The following ACSS2 variants were observed in gnomAD, a reference collection of about 807,000 sequenced individuals.
The protein encoded by ACSS2 is acyl-CoA synthetase short chain family member 2.
A neutral mutation model predicts 90.6 loss-of-function variants in ACSS2; 58 were observed. The ratio of observed to expected loss-of-function variants is 0.64; its 90% CI spans 0.52 to 0.80. The LOEUF (loss-of-function observed/expected upper bound fraction) is 0.80, where lower values mean the gene tolerates loss of function less well. ACSS2 is among the 30% of genes least tolerant of loss of function. The pLI is 0.00. For synonymous variants in ACSS2, 300 were observed against 330.9 expected, an observed-to-expected ratio of 0.91 and a Z score of 1.01; for missense variants, 759 against 912.0, an observed-to-expected ratio of 0.83 and a Z score of 2.16.
intron 2 of ACSS2, among the ~76,000 whole-genome samples, chr20:34,899,415 TTTCTTTCTTTCCTTCC>T (rs2080575610): frequency 4.6e-5 from 2 of 43,772 alleles, no homozygotes; most frequent in Non-Finnish European, 8.3e-5. Flanking sequence ...TCTTTCTTTC[TTTCTTTCTTTCCTTCC>T]TTCCTTCCTT....
chr20:34,918,862 T>C (rs555585693), intron 7 of ACSS2, among the ~76,000 whole-genome samples: 1 of 152,330 alleles, frequency 6.6e-6, no homozygotes, highest in South Asian at 2.1e-4. Context: ...GACCTGTGTG[T>C]GCATAGTCAT....
intron 13 of ACSS2, among the ~76,000 whole-genome samples, chr20:34,922,630 T>A (rs1209129089): frequency 6.6e-6 from 1 of 152,212 alleles, no homozygotes; most frequent in East Asian, 1.9e-4. Flanking sequence ...CTTTGTCTCC[T>A]ATGGTTGCTT....
rs1408501795 is a variant in ACSS2, at chr20:34,887,200, A to G, written c.374+4211A>G. On this transcript the variant is annotated intron_variant, in intron 2 of 17. Transcript: ENST00000360596. ...TAAGTGATTTGCCTAAGGGTCATAC[A>G]CCTGTTTGAAGACAGAACTGAGACT... Among the ~76,000 whole-genome samples the G allele has an allele frequency of 2.0e-5, 3 of 152,312 alleles. No individual in the cohort carries two copies. In the East Asian group the frequency reaches 5.8e-4, roughly 29 times the overall value.
chr20:34,926,175 G>C lies in ACSS2; in HGVS notation c.1797G>C (p.Val599=). The C allele has an allele frequency of 6.2e-7, 1 of 1,614,216 alleles. No homozygotes were observed. ...ATGAGGCTGTTGCAGAGGCAGCTGT[G>C]GTGGGCCACCCTCATCCTGTGAAGG... ...VEHEAVAEAA[V]VGHPHPVKGE... is the part of the protein sequence containing the mutation. The change falls in exon 16 of 18, where the codon GTG becomes GTC. Residue 599 remains valine (V), a synonymous_variant. Transcript: ENST00000360596.
chr20:34,876,712 G>A lies in ACSS2; in HGVS notation c.67G>A (p.Gly23Arg), dbSNP rs2079920049. 3 of 1,443,610 alleles carry A rather than the reference G, an allele frequency of 2.1e-6. No homozygotes were observed. Among genetic ancestry groups the A allele is most frequent in the Non-Finnish European group, 1.8e-6 (2 of 1,090,652 alleles). The allele number at this position is 1,443,610 out of a possible 1,614,324, so 89.4% of individuals were successfully genotyped here. The part of the protein sequence containing the change: ...GSRGQEEAGA[G>R]GRARSWSPPP... ...CCGGGGCCAGGAGGAAGCTGGAGCC[G>A]GAGGCCGGGCGCGGAGTTGGTCTCC... Residue 23 changes from glycine (G) to arginine (R), a missense_variant, in exon 1 of 18, where the codon GGA becomes AGA. Coordinates refer to ENST00000360596, the MANE Select transcript of ACSS2 (RefSeq NM_018677.4).
intron 2 of ACSS2, among the ~76,000 whole-genome samples, chr20:34,904,561 C>A (rs1190731274): frequency 1.3e-5 from 2 of 152,098 alleles, no homozygotes; most frequent in African/African-American, 4.8e-5. Flanking sequence ...GCATTCTGAG[C>A]AGAAGGGTGA....
intron 12 of ACSS2, 61 bp downstream of exon 12, chr20:34,921,661 G>C: frequency 6.2e-7 from 1 of 1,613,120 alleles, no homozygotes; most frequent in Non-Finnish European, 8.5e-7. Flanking sequence ...GGGGCACTTG[G>C]CCTAGTTAGA....
intron 7 of ACSS2, among the ~76,000 whole-genome samples, chr20:34,917,351 C>G (rs2147087055): frequency 6.6e-6 from 1 of 152,272 alleles, no homozygotes; most frequent in South Asian, 2.1e-4. Flanking sequence ...CAGGTGTGTT[C>G]TTATGTTTTC....
chr20:34,888,800 G>A (rs971413665), intron 2 of ACSS2, among the ~76,000 whole-genome samples: 3 of 152,120 alleles, frequency 2.0e-5, no homozygotes, highest in African/African-American at 7.2e-5. Flanking sequence ...GGTAGGGAGG[G>A]GAAATGTTCC....
At chr20:34,925,434 T>C (rs1350761163) in intron 14 of ACSS2, among the ~76,000 whole-genome samples, 2 of 151,840 alleles carry the variant, frequency 1.3e-5, no homozygotes, top group African/African-American at 4.8e-5. Flanking sequence ...CAACCTAATC[T>C]CAGAAGTGAC....
intron 2 of ACSS2, among the ~76,000 whole-genome samples, chr20:34,884,414 A>G (rs1170322108): frequency 3.3e-5 from 5 of 152,264 alleles, no homozygotes; most frequent in African/African-American, 2.4e-5. Flanking sequence ...CAACTCTGCC[A>G]TTAACATGTT....
intron 2 of ACSS2, among the ~76,000 whole-genome samples, chr20:34,891,340 T>C (rs976825031): frequency 3.9e-5 from 6 of 152,216 alleles, no homozygotes; most frequent in African/African-American, 1.4e-4. Context: ...TCATCTCTAA[T>C]CTTCCAGAAT....
At position 34,914,029 on chromosome 20, in the gene ACSS2, A is replaced by G. The variant is rs1393737831; in HGVS notation, c.644-67A>G. 4.5e-6 allele frequency: 7 copies of G among 1,562,784 alleles called. No homozygotes were observed. The East Asian group carries it at 1.1e-4, about 25-fold the overall frequency. On this transcript the variant is annotated intron_variant, in intron 5 of 17. Coordinates refer to ENST00000360596, the MANE Select transcript of ACSS2 (RefSeq NM_018677.4). The stretch of plus-strand genomic sequence containing the variant: ...AAGAGGCCTACTCAGGAAGGGCCCT[A>G]TGGACATTGTGCCCACTAGGCAGCA...
intron 7 of ACSS2, chr20:34,915,248 C>T (rs1332506674): frequency 6.2e-7 from 1 of 1,613,954 alleles, no homozygotes; most frequent in African/African-American, 1.3e-5. Flanking sequence ...CAAGCGTGTT[C>T]AGCCCCAGGT....
At chr20:34,879,861 C>T (rs1410935286) in intron 1 of ACSS2, among the ~76,000 whole-genome samples, 1 of 152,204 alleles carries the variant, frequency 6.6e-6, no homozygotes, top group Admixed American at 6.5e-5. Flanking sequence ...TTTGTACTCT[C>T]GTTATTAGCT....
At chr20:34,926,356 G>A in intron 16 of ACSS2, 75 bp downstream of exon 16, 1 of 1,514,234 alleles carries the variant, frequency 6.6e-7, no homozygotes, top group Non-Finnish European at 8.9e-7. Flanking sequence ...TGTTGGGGAG[G>A]GGCTAGAGCA....
intron 2 of ACSS2, among the ~76,000 whole-genome samples, chr20:34,899,403 CTTCTTTCT>C (rs758433349): frequency 0.013 from 809 of 64,404 alleles, 4 homozygotes; most frequent in Non-Finnish European, 0.019. Context: ...TCTTTCTTTC[CTTCTTTCT>C]TTCTTTCTTT....
rs142578724 is a variant in ACSS2 at position 34,924,141 on chromosome 20, T to C, written c.1657+710T>C. On this transcript the variant is annotated intron_variant, in intron 14 of 17. Transcript: ENST00000360596. ...GTGGCAGTGCATGACTATTATGTCA[T>C]GTTTGTCTTTATGTCTGGAGTCTGT... 7.5e-3 allele frequency among the ~76,000 whole-genome samples: 1,147 copies of C among 152,256 alleles called. 14 individuals are homozygous for C. Among genetic ancestry groups the C allele is most frequent in the Middle Eastern group, 0.014 (4 of 294 alleles).
Position 34,926,256 on chromosome 20 carries a change from G to A in ACSS2, c.1878G>A (p.Lys626=). 1.2e-6 allele frequency: 2 copies of A among 1,614,144 alleles called. No homozygotes were observed. Among genetic ancestry groups the A allele is most frequent in the Non-Finnish European group, 1.7e-6 (2 of 1,179,988 alleles). Residue 626 remains lysine, a synonymous_variant, in exon 16 of 18, where the codon AAG becomes AAA. Transcript: ENST00000360596. ...GTGATGGCCACACCTTCAGCCCCAA[G>A]CTCACCGAGGAGCTCAAGAAGCAGA... ...TLCDGHTFSP[K]LTEELKKQIR...
Sources: allele counts gnomAD v4.1 joint callset (sites outside exome capture counted in the v4.1 genomes callset), GRCh38; gene constraint gnomAD v4.1.1; transcripts MANE v1.5; gene names NCBI Gene and HGNC (gene_info 2026-07-23, HGNC 2026-07-21).